The following GNG12 variants were observed in gnomAD, a reference collection of about 807,000 sequenced individuals.
The protein encoded by GNG12 is guanine nucleotide-binding protein G(I)/G(S)/G(O) subunit gamma-12.
For synonymous variants in GNG12, 28 were observed against 29.7 expected (o/e 0.94, Z 0.19); for missense variants, 69 against 83.8 (o/e 0.82, Z 0.69).
At chr1:67,825,190 A>G (rs1647004634) in intron 1 of GNG12, among the ~76,000 whole-genome samples, 1 of 152,246 alleles carries the variant, frequency 6.6e-6, no homozygotes, top group South Asian at 2.1e-4. Flanking sequence ...ATTTAAAGAA[A>G]TTCTGTAAGA....
rs112742443 is a variant in GNG12, at chr1:67,773,772, C to G, written c.-27+3686G>C. Among the ~76,000 whole-genome samples, 131 of 152,310 alleles carry G rather than the reference C, an allele frequency of 8.6e-4. 2 individuals are homozygous for G. The highest frequency in any genetic ancestry group is 3.0e-3 in the African/African-American group (123 of 41,572). ...TAGAACAGGGATGGTAAGTAGATTTCAACTCGCGTGCCCAATCTGGTCCAC... is the reference window on the plus strand; with the variant it reads ...TAGAACAGGGATGGTAAGTAGATTTGAACTCGCGTGCCCAATCTGGTCCAC... On this transcript the variant is annotated intron_variant, in intron 2 of 3. Coordinates refer to ENST00000370982, the MANE Select transcript of GNG12 (RefSeq NM_018841.6).
intron 2 of GNG12, among the ~76,000 whole-genome samples, chr1:67,748,287 A>T (rs973510678): frequency 6.6e-6 from 1 of 152,254 alleles, no homozygotes; most frequent in Non-Finnish European, 1.5e-5. Context: ...TTACAGATCA[A>T]GAAAGAAATT....
At position 67,707,722 on chromosome 1, in the gene GNG12, A is replaced by T; in HGVS notation, c.-26-10T>A. On this transcript the variant is annotated splice_polypyrimidine_tract_variant and intron_variant, in intron 2 of 3. Coordinates refer to ENST00000370982, the MANE Select transcript of GNG12 (RefSeq NM_018841.6). ...TGTTTTTACCTGAAATCTGAGGAGAATTTTTTTTAAAGACAAGTAACAGGC... is the reference window on the plus strand; with the variant it reads ...TGTTTTTACCTGAAATCTGAGGAGATTTTTTTTTAAAGACAAGTAACAGGC... 7.0e-7 allele frequency: 1 copy of T among 1,431,644 alleles called. No individual in the cohort carries two copies. Among genetic ancestry groups the T allele is most frequent in the South Asian group, 1.3e-5 (1 of 79,912 alleles). 88.7% of individuals were successfully genotyped at this position (1,431,644 alleles called of 1,614,324 possible). A position where few individuals can be genotyped will look rare whatever the true frequency, so the allele number is the denominator to read the frequency against.
chr1:67,811,295 G>C (rs2249130), intron 1 of GNG12, among the ~76,000 whole-genome samples: 42,172 of 152,022 alleles, frequency 0.28, 6,110 homozygotes, highest in Admixed American at 0.35. Flanking sequence ...GTGCCTTCGA[G>C]GTCTCACCTG....
chr1:67,794,435 T>C (rs544431634), intron 1 of GNG12, among the ~76,000 whole-genome samples: 3 of 152,234 alleles, frequency 2.0e-5, no homozygotes, highest in African/African-American at 7.2e-5. Context: ...ACTTTGAAAC[T>C]GGTCATGAGG....
intron 3 of GNG12, 55 bp downstream of exon 3, chr1:67,707,539 A>G: frequency 1.1e-6 from 1 of 941,432 alleles, no homozygotes; most frequent in South Asian, 1.4e-5. Context: ...GTCCAGCCAC[A>G]AGGAACAGGG....
intron 1 of GNG12, among the ~76,000 whole-genome samples, chr1:67,803,338 AC>A (rs1213176397): frequency 6.6e-6 from 1 of 152,100 alleles, no homozygotes; most frequent in Non-Finnish European, 1.5e-5. Flanking sequence ...ACATAGTGAG[AC>A]CTCATCTCTA....
chr1:67,742,536 C>A (rs551116698), intron 2 of GNG12, among the ~76,000 whole-genome samples: 1 of 151,836 alleles, frequency 6.6e-6, no homozygotes, highest in Non-Finnish European at 1.5e-5. Flanking sequence ...GAGATAAGTA[C>A]GATTATTATC....
At chr1:67,767,520 T>C (rs1382757438) in intron 2 of GNG12, among the ~76,000 whole-genome samples, 3 of 152,214 alleles carry the variant, frequency 2.0e-5, no homozygotes, top group Non-Finnish European at 2.9e-5. Context: ...CCTCCTCCTT[T>C]TCCACCCATG....
At chr1:67,791,488 C>T (rs1646801715) in intron 1 of GNG12, among the ~76,000 whole-genome samples, 1 of 152,146 alleles carries the variant, frequency 6.6e-6, no homozygotes, top group Admixed American at 6.5e-5. Flanking sequence ...TCATCTCCCA[C>T]ACTGCTCTCC....
chr1:67,713,111 C>G (rs572966066), intron 2 of GNG12, among the ~76,000 whole-genome samples: 1 of 152,134 alleles, frequency 6.6e-6, no homozygotes, highest in Admixed American at 6.5e-5. Flanking sequence ...GTTTGTGTAA[C>G]ACCTCCCTTC....
chr1:67,810,282 C>G (rs1646917499), intron 1 of GNG12, among the ~76,000 whole-genome samples: 1 of 152,170 alleles, frequency 6.6e-6, no homozygotes, highest in South Asian at 2.1e-4. Flanking sequence ...GCAGAGCACA[C>G]AGGACTTTTA....
At chr1:67,718,101 A>G (rs777777179) in intron 2 of GNG12, among the ~76,000 whole-genome samples, 4 of 152,164 alleles carry the variant, frequency 2.6e-5, no homozygotes, top group African/African-American at 4.8e-5. Context: ...CCCACTTCAC[A>G]TGCAGCCCTG....
At chr1:67,817,770 C>T (rs1033131205) in intron 1 of GNG12, among the ~76,000 whole-genome samples, 2 of 142,546 alleles carry the variant, frequency 1.4e-5, no homozygotes, top group African/African-American at 2.6e-5. Flanking sequence ...TAAATGTTTT[C>T]TTTTGTTTCT....
At chr1:67,727,244 T>A (rs544803109) in intron 2 of GNG12, among the ~76,000 whole-genome samples, 5 of 152,348 alleles carry the variant, frequency 3.3e-5, no homozygotes, top group African/African-American at 1.2e-4. Context: ...GGGATTAAAC[T>A]CCTGGGAGAG....
At chr1:67,787,057 G>GTA (rs1323559786) in intron 1 of GNG12, among the ~76,000 whole-genome samples, 1 of 149,976 alleles carries the variant, frequency 6.7e-6, no homozygotes, top group East Asian at 1.9e-4. Flanking sequence ...GTGTGTGTGT[G>GTA]TGTGTGTGTG....
intron 2 of GNG12, among the ~76,000 whole-genome samples, chr1:67,755,102 G>A (rs1210084026): frequency 6.6e-6 from 1 of 152,230 alleles, no homozygotes; most frequent in Non-Finnish European, 1.5e-5. Context: ...TTATCTGTCC[G>A]CCTTGGCGTT....
intron 1 of GNG12, among the ~76,000 whole-genome samples, chr1:67,802,354 C>T (rs902794943): frequency 4.6e-5 from 7 of 152,140 alleles, no homozygotes; most frequent in Non-Finnish European, 8.8e-5. Flanking sequence ...ACAAAAAGGA[C>T]GCACCTACTT....
At chr1:67,770,556 A>G (rs1646667924) in intron 2 of GNG12, among the ~76,000 whole-genome samples, 1 of 151,964 alleles carries the variant, frequency 6.6e-6, no homozygotes, top group Non-Finnish European at 1.5e-5. Flanking sequence ...CTTTGGCATG[A>G]GAGTGAGAGG....
Sources: allele counts gnomAD v4.1 joint callset (sites outside exome capture counted in the v4.1 genomes callset), GRCh38; gene constraint gnomAD v4.1.1; transcripts MANE v1.5; gene names NCBI Gene and HGNC (gene_info 2026-07-23, HGNC 2026-07-21).